SYAP1: variants seen among roughly 807,000 people sequenced by gnomAD.
SYAP1 encodes synapse associated protein 1.
Under a neutral mutation model 29.6 loss-of-function variants are expected in SYAP1, and 3 were observed. The observed-to-expected ratio is 0.10, with a 90% CI of 0.05 to 0.26. The LOEUF (loss-of-function observed/expected upper bound fraction) is 0.26. SYAP1 is among the 10% of genes least tolerant of loss of function. The probability of loss-of-function intolerance (pLI) is 1.00; values close to 1 mark genes in which losing one functional copy is unlikely to be tolerated. For synonymous variants in SYAP1, 102 were observed against 102.7 expected, an observed-to-expected ratio of 0.99 and a Z score of 0.04; for missense variants, 217 against 264.1, an observed-to-expected ratio of 0.82 and a Z score of 1.24.
chrX:16,750,462 G>A (rs769282754), intron 5 of SYAP1, among the ~76,000 whole-genome samples: 14 of 111,607 alleles, frequency 1.3e-4, no homozygotes, highest in Non-Finnish European at 2.1e-4. Flanking sequence ...TATGATGGCA[G>A]ACAACTTGTC....
chrX:16,735,773 C>T (rs758521142), intron 2 of SYAP1, among the ~76,000 whole-genome samples: 3 of 111,280 alleles, frequency 2.7e-5, no homozygotes, highest in African/African-American at 6.5e-5. Flanking sequence ...TACAGGCATG[C>T]GCTACCACAC....
Position 16,719,807 on chromosome X carries a change from A to T in SYAP1, c.83A>T (p.Glu28Val). The T allele has an allele frequency of 8.3e-7, 1 of 1,199,425 alleles. No individual in the cohort carries two copies. Among genetic ancestry groups the T allele is most frequent in the African/African-American group, 1.7e-5 (1 of 57,631 alleles). Reference sequence around the variant, plus strand: ...CAGCCCAATGGAGATGCTCCACCCGAGCAGCCGTCCGAGACGGTGGCTGAG... The same window carrying T: ...CAGCCCAATGGAGATGCTCCACCCGTGCAGCCGTCCGAGACGGTGGCTGAG... ...GGQPNGDAPP[E>V]QPSETVAESA... The change falls in exon 1 of 9, where the codon GAG becomes GTG. Residue 28 changes from glutamate to valine, a missense_variant. Transcript: ENST00000380155.
At chrX:16,758,302 C>T (rs1269213126) in intron 8 of SYAP1, among the ~76,000 whole-genome samples, 2 of 109,495 alleles carry the variant, frequency 1.8e-5, no homozygotes, top group African/African-American at 6.7e-5. Context: ...ACCTCAGTGT[C>T]TCTAAGTGCT....
At chrX:16,736,751 G>T (rs1046579992) in intron 3 of SYAP1, among the ~76,000 whole-genome samples, 3 of 111,604 alleles carry the variant, frequency 2.7e-5, no homozygotes, top group African/African-American at 9.8e-5. Context: ...CTCGTGATCC[G>T]CCCGCCTTAG....
chrX:16,730,070 T>C (rs1259630252), intron 1 of SYAP1, among the ~76,000 whole-genome samples: 2 of 112,026 alleles, frequency 1.8e-5, no homozygotes, highest in Non-Finnish European at 3.8e-5. Context: ...TAAAACTTTC[T>C]TCAGGCCGGG....
chrX:16,737,622 G>C (rs1224889914), intron 3 of SYAP1, among the ~76,000 whole-genome samples: 3 of 111,614 alleles, frequency 2.7e-5, no homozygotes, highest in Middle Eastern at 4.6e-3. Flanking sequence ...TGAGGGCGTG[G>C]GGGTGGAAGG....
chrX:16,735,164 T>A, intron 1 of SYAP1, 63 bp from the exon 2 acceptor site: 1 of 763,912 alleles, frequency 1.3e-6, no homozygotes, highest in Non-Finnish European at 1.9e-6. Flanking sequence ...TAGATTCTCA[T>A]AAGATCTCTT....
chrX:16,736,369 T>C, intron 3 of SYAP1, 137 bp downstream of exon 3: 1 of 429,696 alleles, frequency 2.3e-6, no homozygotes. Flanking sequence ...CAAAGACTAG[T>C]GAGGGAGACA....
At position 16,735,329 on chromosome X, in the gene SYAP1, A is replaced by G; in HGVS notation, c.278A>G (p.Asp93Gly). The change falls in exon 2 of 9, where the codon GAT becomes GGT. Residue 93 changes from aspartate to glycine, a missense_variant. Transcript: ENST00000380155. ...AAATCCGTAGAAGAAGGAAAAATAGATGGCATCATTGACAAGGTATATTCA... is the reference window on the plus strand; with the variant it reads ...AAATCCGTAGAAGAAGGAAAAATAGGTGGCATCATTGACAAGGTATATTCA... Reference protein sequence around the residue: ...IKKSVEEGKIDGIIDKTIIGD... With the variant: ...IKKSVEEGKIGGIIDKTIIGD... 1 of 1,156,014 alleles carries G rather than the reference A, an allele frequency of 8.7e-7. No individual in the cohort carries two copies. Among genetic ancestry groups the G allele is most frequent in the South Asian group, 1.9e-5 (1 of 53,085 alleles).
At chrX:16,750,521 T>G (rs1926708005) in intron 5 of SYAP1, among the ~76,000 whole-genome samples, 1 of 111,488 alleles carries the variant, frequency 9.0e-6, no homozygotes, top group Non-Finnish European at 1.9e-5. Context: ...GGCACCATAA[T>G]TCCACCGGTA....
chrX:16,739,476 C>CTTTT (rs760754281), intron 3 of SYAP1, among the ~76,000 whole-genome samples: 108 of 81,495 alleles, frequency 1.3e-3, no homozygotes, highest in East Asian at 2.8e-3. Context: ...CTCTCTCTCT[C>CTTTT]TTTTTTTTTT....
chrX:16,720,734 G>A (rs1925940199), intron 1 of SYAP1, among the ~76,000 whole-genome samples: 1 of 112,052 alleles, frequency 8.9e-6, no homozygotes. Context: ...CATCTTTGAG[G>A]CCGGATATGG....
At chrX:16,725,272 A>G (rs1248393397) in intron 1 of SYAP1, among the ~76,000 whole-genome samples, 1 of 112,075 alleles carries the variant, frequency 8.9e-6, no homozygotes, top group African/African-American at 3.2e-5. Context: ...CCCTCACTTT[A>G]TGGACTGAAG....
chrX:16,720,045 T>A, intron 1 of SYAP1, 146 bp downstream of exon 1: 1 of 584,062 alleles, frequency 1.7e-6, no homozygotes, highest in Non-Finnish European at 2.7e-6. Flanking sequence ...GTCAGTCCTC[T>A]CCGGGTCGGG....
intron 1 of SYAP1, among the ~76,000 whole-genome samples, chrX:16,723,690 C>G (rs1405246725): frequency 8.9e-6 from 1 of 112,514 alleles, no homozygotes; most frequent in Admixed American, 9.4e-5. Flanking sequence ...TTTCCTAAGA[C>G]TTTGCCACTG....
In SYAP1 at chrX:16,719,619, C is replaced by A; in HGVS notation, c.-106C>A. 1 of 982,249 alleles carries A rather than the reference C, an allele frequency of 1.0e-6. No individual in the cohort carries two copies. Among genetic ancestry groups the A allele is most frequent in the Non-Finnish European group, 1.3e-6 (1 of 744,112 alleles). The allele number at this position is 982,249 out of a possible 1,213,427, so 80.9% of individuals were successfully genotyped here. A position where few individuals can be genotyped will look rare whatever the true frequency, so the allele number is the denominator to read the frequency against. ...GGCTGCGGCGGCTGCGGTGTTCCTC[C>A]GACTTCCGGACATCTCCCTGGGAGT... On this transcript the variant is annotated 5_prime_UTR_variant, in exon 1 of 9. Transcript: ENST00000380155.
At chrX:16,755,501 T>TC (rs748768305) in intron 6 of SYAP1, among the ~76,000 whole-genome samples, 49 of 108,991 alleles carry the variant, frequency 4.5e-4, no homozygotes, top group Non-Finnish European at 8.0e-4. Context: ...TCCGTCATCT[T>TC]CCCCCCCTCT....
chrX:16,729,847 G>A (rs1478302582), intron 1 of SYAP1, among the ~76,000 whole-genome samples: 1 of 111,403 alleles, frequency 9.0e-6, no homozygotes, highest in African/African-American at 3.3e-5. Flanking sequence ...ACTTTAGCCA[G>A]TATGTTTACA....
rs1396864368 is a variant in SYAP1, at chrX:16,757,303, C to T, written c.925C>T (p.Leu309=). ...CAAAAAGCAAGAGGAGACAGCCGTACTGGAAGGTAAAAAACAAAACAAATC... is the reference window on the plus strand; with the variant it reads ...CAAAAAGCAAGAGGAGACAGCCGTATTGGAAGGTAAAAAACAAAACAAATC... ...LDKKQEETAV[L]EEDSADWEKE... Residue 309 remains leucine (L), a synonymous_variant, in exon 8 of 9, where the codon CTG becomes TTG. Coordinates refer to ENST00000380155, the MANE Select transcript of SYAP1 (RefSeq NM_032796.4). 2.5e-6 allele frequency: 3 copies of T among 1,199,563 alleles called. No individual in the cohort carries two copies. In the African/African-American group the frequency reaches 5.3e-5, roughly 21 times the overall value.
Sources: gnomAD v4.1 joint callset for allele counts (sites outside exome capture counted in the v4.1 genomes callset) on GRCh38, gnomAD v4.1.1 for gene constraint, MANE v1.5 for transcripts, NCBI Gene and HGNC (gene_info 2026-07-23, HGNC 2026-07-21) for gene names.